Variants in ZBTB20 observed in about 807,000 individuals in gnomAD.
The protein encoded by ZBTB20 is zinc finger and BTB domain-containing protein 20.
In ZBTB20, 9 loss-of-function variants were observed where a neutral mutation model predicts 56.9. The ratio of observed to expected loss-of-function variants is 0.16; its 90% CI spans 0.10 to 0.28. The LOEUF is 0.28. Ranked by LOEUF, ZBTB20 falls within the 10% of genes least tolerant of loss-of-function variation. ZBTB20 has a pLI of 1.00. For synonymous variants in ZBTB20, 417 were observed against 420.7 expected (o/e 0.99, Z 0.11); for missense variants, 655 against 1,003.0 (o/e 0.65, Z 4.69).
chr3:114,900,666 T>C (rs965194190), intron 3 of ZBTB20: 1 of 151,796 alleles, frequency 6.6e-6, no homozygotes, highest in Admixed American at 6.6e-5. Flanking sequence ...ATTTTTTTTT[T>C]TGGTATTCTT....
intron 10 of ZBTB20, among the ~76,000 whole-genome samples, chr3:114,372,779 G>A (rs1030349028): frequency 6.6e-6 from 1 of 152,142 alleles, no homozygotes; most frequent in Admixed American, 6.5e-5. Context: ...AGGAGGCAGA[G>A]GTGGCAGTGA....
At chr3:115,028,203 G>A (rs2080506393) in intron 2 of ZBTB20, among the ~76,000 whole-genome samples, 1 of 150,626 alleles carries the variant, frequency 6.6e-6, no homozygotes, top group African/African-American at 2.4e-5. Flanking sequence ...ATTTCATTAA[G>A]TTTTCAAGGA....
chr3:115,050,280 A>G (rs892817537), intron 2 of ZBTB20, among the ~76,000 whole-genome samples: 8 of 152,000 alleles, frequency 5.3e-5, no homozygotes, highest in African/African-American at 1.7e-4. Flanking sequence ...GTAAATTAAA[A>G]TATTATTTTA....
chr3:114,647,963 A>G (rs1230450689), intron 6 of ZBTB20, among the ~76,000 whole-genome samples: 1 of 152,168 alleles, frequency 6.6e-6, no homozygotes, highest in African/African-American at 2.4e-5. Flanking sequence ...TCAGAACTAT[A>G]AGAAACATAA....
chr3:114,487,795 A>T (rs1226773089), intron 7 of ZBTB20, among the ~76,000 whole-genome samples: 5 of 152,176 alleles, frequency 3.3e-5, no homozygotes, highest in African/African-American at 1.2e-4. Context: ...AGAATATTCC[A>T]TTTCATTAAG....
intron 4 of ZBTB20, among the ~76,000 whole-genome samples, chr3:114,827,339 C>G (rs1039800002): frequency 3.3e-5 from 5 of 151,672 alleles, no homozygotes; most frequent in Non-Finnish European, 5.9e-5. Context: ...ATATAGTGTA[C>G]TTAAGCCAAA....
At chr3:115,082,227 G>A (rs953150807) in intron 1 of ZBTB20, among the ~76,000 whole-genome samples, 1 of 152,080 alleles carries the variant, frequency 6.6e-6, no homozygotes, top group African/African-American at 2.4e-5. Context: ...CTAAAATTGC[G>A]GTTTATAAAA....
intron 4 of ZBTB20, among the ~76,000 whole-genome samples, chr3:114,805,174 C>A (rs534697171): frequency 1.3e-5 from 2 of 151,950 alleles, no homozygotes; most frequent in East Asian, 1.9e-4. Context: ...GTAAATTTGA[C>A]AAAATTAAGA....
At chr3:115,142,942 A>G (rs531590557) in intron 1 of ZBTB20, among the ~76,000 whole-genome samples, 15 of 152,288 alleles carry the variant, frequency 9.8e-5, no homozygotes, top group South Asian at 4.1e-4. Context: ...ATTGTATTAA[A>G]AAAAGTTATT....
At chr3:114,741,875 TA>T (rs554920594) in intron 5 of ZBTB20, among the ~76,000 whole-genome samples, 502 of 100,374 alleles carry the variant, frequency 5.0e-3, no homozygotes, top group Non-Finnish European at 6.2e-3. Context: ...AGCAAGACTG[TA>T]AAAAAAAAAA....
intron 2 of ZBTB20, among the ~76,000 whole-genome samples, chr3:114,977,082 A>C (rs1006134629): frequency 6.6e-6 from 1 of 152,226 alleles, no homozygotes; most frequent in Admixed American, 6.5e-5. Context: ...ACAAAAGAAT[A>C]AGAAAGAATC....
chr3:115,124,753 A>G (rs752416392), intron 1 of ZBTB20, among the ~76,000 whole-genome samples: 18 of 152,202 alleles, frequency 1.2e-4, no homozygotes, highest in African/African-American at 2.7e-4. Context: ...AAGAACATAC[A>G]GTAAACATAA....
intron 7 of ZBTB20, among the ~76,000 whole-genome samples, chr3:114,439,859 T>G (rs964989914): frequency 6.6e-6 from 1 of 152,182 alleles, no homozygotes; most frequent in African/African-American, 2.4e-5. Flanking sequence ...TGCTACATCC[T>G]TGATTTAGGA....
At chr3:114,586,463 G>C (rs1223045657) in intron 6 of ZBTB20, among the ~76,000 whole-genome samples, 1 of 152,168 alleles carries the variant, frequency 6.6e-6, no homozygotes, top group African/African-American at 2.4e-5. Flanking sequence ...GAGAAGCTAA[G>C]GCCTGGCGAT....
chr3:114,320,871 G>T lies in ZBTB20; in HGVS notation c.*18134C>A, dbSNP rs968347740. The stretch of plus-strand genomic sequence containing the variant: ...GGGCAACAGATTAAAATGAAAAGGG[G>T]TATAGAAAGATATATTTTAGATAAT... On this transcript the variant is annotated 3_prime_UTR_variant, in exon 12 of 12. Coordinates refer to ENST00000675478, the MANE Select transcript of ZBTB20 (RefSeq NM_001348800.3). 6.6e-6 allele frequency: 1 copy of T among 152,098 alleles called. No individual in the cohort carries two copies. Among genetic ancestry groups the T allele is most frequent in the Non-Finnish European group, 1.5e-5 (1 of 68,016 alleles). The allele number at this position is 152,098 out of a possible 1,614,324, so 9.4% of individuals were successfully genotyped here. A position where few individuals can be genotyped will look rare whatever the true frequency, so the allele number is the denominator to read the frequency against.
chr3:114,697,583 A>C (rs2063123037), intron 5 of ZBTB20, among the ~76,000 whole-genome samples: 1 of 151,700 alleles, frequency 6.6e-6, no homozygotes, highest in African/African-American at 2.4e-5. Context: ...ATTATGCAAG[A>C]GCTTTTGAAT....
chr3:114,851,917 T>G (rs757286061), intron 4 of ZBTB20, among the ~76,000 whole-genome samples: 109 of 152,282 alleles, frequency 7.2e-4, no homozygotes, highest in Middle Eastern at 3.4e-3. Context: ...TGGTCTTTTT[T>G]CTTATCAATT....
At chr3:114,628,234 ATC>A (rs1178896995) in intron 6 of ZBTB20, among the ~76,000 whole-genome samples, 1 of 152,102 alleles carries the variant, frequency 6.6e-6, no homozygotes, top group African/African-American at 2.4e-5. Flanking sequence ...TGTATTTGTA[ATC>A]TCTCTCTTTT....
chr3:114,470,983 C>T (rs1365968622), intron 7 of ZBTB20, among the ~76,000 whole-genome samples: 2 of 152,094 alleles, frequency 1.3e-5, no homozygotes, highest in Non-Finnish European at 2.9e-5. Flanking sequence ...CTTTTATTAT[C>T]CCCATAAATA....
Sources: gnomAD v4.1 joint callset for allele counts (sites outside exome capture counted in the v4.1 genomes callset) on GRCh38, gnomAD v4.1.1 for gene constraint, MANE v1.5 for transcripts, NCBI Gene and HGNC (gene_info 2026-07-23, HGNC 2026-07-21) for gene names.